AR: variants seen among roughly 807,000 people sequenced by gnomAD.
The protein encoded by AR is dihydrotestosterone receptor.
In AR, 8 loss-of-function variants were observed where a neutral mutation model predicts 53.9. The ratio of observed to expected loss-of-function variants is 0.15; its 90% CI spans 0.09 to 0.27. AR has a LOEUF of 0.27. AR is among the 10% of genes least tolerant of loss of function. AR has a pLI of 1.00. For missense variants in AR, 639 were observed against 742.5 expected (o/e 0.86, Z 1.62); for synonymous variants, 359 against 316.4 (o/e 1.13, Z -1.43).
chrX:67,569,008 A>G (rs780438980), intron 1 of AR: 1 of 1,209,824 alleles, frequency 8.3e-7, no homozygotes, highest in Non-Finnish European at 1.1e-6. Flanking sequence ...TTCCCATGAT[A>G]CTCTGGCTTC....
intron 5 of AR, among the ~76,000 whole-genome samples, 164 bp downstream of exon 5, chrX:67,717,786 G>A (rs939812922): frequency 8.9e-6 from 1 of 112,982 alleles, no homozygotes; most frequent in South Asian, 3.6e-4. Flanking sequence ...CTTTGCCCTG[G>A]CTTTCAGCCA....
rs1484223214 is a variant in AR at position 67,726,052 on chromosome X, T to G, written c.*2211T>G. The G allele has an allele frequency of 2.3e-5, 4 of 174,447 alleles. No individual in the cohort carries two copies. Among genetic ancestry groups the G allele is most frequent in the Non-Finnish European group, 3.3e-5 (3 of 91,550 alleles). The allele number at this position is 174,447 out of a possible 1,213,427, so 14.4% of individuals were successfully genotyped here. On this transcript the variant is annotated 3_prime_UTR_variant, in exon 8 of 8. Transcript: ENST00000374690. ...TGATTCACTCTGTTTGTTGAGAGGA[T>G]AGTTTCTGAGTGACATGATATGATC...
intron 2 of AR, among the ~76,000 whole-genome samples, chrX:67,666,434 G>A (rs1211865697): frequency 1.8e-5 from 2 of 111,795 alleles, no homozygotes; most frequent in African/African-American, 6.5e-5. Flanking sequence ...TTGTATGTAT[G>A]TACCACATTT....
At chrX:67,587,577 A>G (rs1038267404) in intron 1 of AR, among the ~76,000 whole-genome samples, 2 of 111,794 alleles carry the variant, frequency 1.8e-5, no homozygotes, top group African/African-American at 6.5e-5. Context: ...TCTGATTTAG[A>G]CACAGACTTT....
At chrX:67,694,948 A>C (rs2147507751) in intron 3 of AR, 1 of 1,014,550 alleles carries the variant, frequency 9.9e-7, no homozygotes, top group African/African-American at 1.9e-5. Flanking sequence ...TAGAAGTAAT[A>C]GTGGTTACCA....
At chrX:67,636,271 C>T (rs1925430750) in intron 1 of AR, among the ~76,000 whole-genome samples, 1 of 111,580 alleles carries the variant, frequency 9.0e-6, no homozygotes, top group South Asian at 3.8e-4. Context: ...CTTACCATCA[C>T]TCCCAGCCTC....
intron 1 of AR, among the ~76,000 whole-genome samples, chrX:67,628,684 G>A (rs1390935072): frequency 1.8e-5 from 2 of 111,018 alleles, no homozygotes; most frequent in Non-Finnish European, 3.8e-5. Context: ...TTGAATAGGA[G>A]TGGTGAGAGA....
rs145627138 is a variant in AR, at chrX:67,658,779, C to T, written c.1768+15372C>T. Among the ~76,000 whole-genome samples the T allele has an allele frequency of 6.8e-3, 757 of 112,061 alleles. 6 individuals carry two copies. Among genetic ancestry groups the T allele is most frequent in the African/African-American group, 0.023 (725 of 30,889 alleles). ...CACGAGGGGTTTGGAAATCAGAAAACCAGCAGAGGCAGGAAAACTCAGGGC... is the reference window on the plus strand; with the variant it reads ...CACGAGGGGTTTGGAAATCAGAAAATCAGCAGAGGCAGGAAAACTCAGGGC... On this transcript the variant is annotated intron_variant, in intron 2 of 7. Coordinates refer to ENST00000374690, the MANE Select transcript of AR (RefSeq NM_000044.6).
intron 3 of AR, among the ~76,000 whole-genome samples, chrX:67,703,430 T>G (rs1173337188): frequency 9.0e-6 from 1 of 111,523 alleles, no homozygotes; most frequent in East Asian, 2.9e-4. Flanking sequence ...TTCTTAAGGT[T>G]TGAGTTTTGG....
At chrX:67,714,532 G>A (rs1261334428) in intron 4 of AR, among the ~76,000 whole-genome samples, 1 of 111,579 alleles carries the variant, frequency 9.0e-6, no homozygotes, top group Non-Finnish European at 1.9e-5. Flanking sequence ...TTTCCAAACT[G>A]GCCTTTCTTT....
intron 3 of AR, among the ~76,000 whole-genome samples, chrX:67,701,674 TCACA>T (rs3070104): frequency 0.084 from 8,229 of 97,389 alleles, 816 homozygotes; most frequent in African/African-American, 0.27. Context: ...TACTAACCAT[TCACA>T]CACACACACA....
In AR at chrX:67,545,056, ACCGCATCAT is replaced by A. The variant is rs1929634371; in HGVS notation, c.-89_-81del. The A allele has an allele frequency of 1.1e-5, 12 of 1,088,383 alleles. No homozygotes were observed. The East Asian group carries it at 3.5e-4, about 32-fold the overall frequency. 89.7% of individuals were successfully genotyped at this position (1,088,383 alleles called of 1,213,427 possible). A position where few individuals can be genotyped will look rare whatever the true frequency, so the allele number is the denominator to read the frequency against. On this transcript the variant is annotated 5_prime_UTR_variant, in exon 1 of 8. Transcript: ENST00000374690. The stretch of plus-strand genomic sequence containing the variant: ...AGGTGGGCAGCTAGCTGCAGCGACT[ACCGCATCAT>A]CACAGCCTGTTGAACTCTTCTGAGC...
At chrX:67,580,607 T>C (rs1922254160) in intron 1 of AR, among the ~76,000 whole-genome samples, 1 of 111,727 alleles carries the variant, frequency 9.0e-6, no homozygotes, top group South Asian at 3.7e-4. Flanking sequence ...TGACTTGTCT[T>C]TCTGACTCTT....
intron 1 of AR, among the ~76,000 whole-genome samples, chrX:67,547,470 G>A (rs1264948941): frequency 1.8e-5 from 2 of 111,806 alleles, no homozygotes; most frequent in Non-Finnish European, 3.8e-5. Flanking sequence ...GTTTCTCAAC[G>A]TTGGTTGACT....
rs1380028281 is a variant in AR, at chrX:67,711,460, C to A, written c.1944C>A (p.Ser648Arg). 6.6e-6 allele frequency: 8 copies of A among 1,206,130 alleles called. No homozygotes were observed. The highest frequency in any genetic ancestry group is 3.6e-5 in the South Asian group (2 of 55,794). ...LKLQEEGEAS[S>R]TTSPTEETTQ... Reference sequence around the variant, plus strand: ...TACAGGAGGAAGGAGAGGCTTCCAGCACCACCAGCCCCACTGAGGAGACAA... The same window carrying A: ...TACAGGAGGAAGGAGAGGCTTCCAGAACCACCAGCCCCACTGAGGAGACAA... The change falls in exon 4 of 8, where the codon AGC becomes AGA. Residue 648 changes from serine to arginine, a missense_variant. Around this residue, in one of 5 missense-constraint regions of AR, gnomAD observed 47 missense variants for 35.9 expected, o/e 1.31. Transcript: ENST00000374690.
At chrX:67,660,143 T>C (rs1384832944) in intron 2 of AR, among the ~76,000 whole-genome samples, 3 of 112,154 alleles carry the variant, frequency 2.7e-5, no homozygotes, top group Non-Finnish European at 3.8e-5. Context: ...ATTGCAAAAG[T>C]TTTCTCCCAT....
chrX:67,679,888 A>C (rs1275517527), intron 2 of AR, among the ~76,000 whole-genome samples: 2 of 111,810 alleles, frequency 1.8e-5, no homozygotes, highest in Admixed American at 1.9e-4. Context: ...TTTATTTCAC[A>C]TAAGAAATTA....
chrX:67,630,083 G>A (rs1307735889), intron 1 of AR, among the ~76,000 whole-genome samples: 1 of 111,032 alleles, frequency 9.0e-6, no homozygotes, highest in Admixed American at 9.6e-5. Context: ...TGGAATAGGT[G>A]TGGTGTGGTG....
chrX:67,665,752 G>A (rs1173226327), intron 2 of AR, among the ~76,000 whole-genome samples: 1 of 111,512 alleles, frequency 9.0e-6, no homozygotes, highest in Non-Finnish European at 1.9e-5. Context: ...CCCATTTTTG[G>A]AACAGAATAT....
Sources: gnomAD v4.1 joint callset for allele counts (sites outside exome capture counted in the v4.1 genomes callset) on GRCh38, gnomAD v4.1.1 for gene constraint, gnomAD v4.1.1 regional missense constraint, MANE v1.5 for transcripts, NCBI Gene and HGNC (gene_info 2026-07-23, HGNC 2026-07-21) for gene names.